The following SGCZ variants were observed in gnomAD, a reference collection of about 807,000 sequenced individuals.
The protein encoded by SGCZ is sarcoglycan zeta, also known as zeta-sarcoglycan.
In SGCZ, 40 loss-of-function variants were observed where a neutral mutation model predicts 41.3. That is an observed-to-expected ratio of 0.97 (90% CI 0.75 to 1.26). The LOEUF is 1.26. Among genes scored for constraint, SGCZ ranks in the 50% most tolerant of loss-of-function variants. The probability of loss-of-function intolerance (pLI) is 0.00; values close to 1 mark genes in which losing one functional copy is unlikely to be tolerated. For missense variants in SGCZ, 552 were observed against 369.8 expected (o/e 1.49, Z -4.04); for synonymous variants, 206 against 137.5 (o/e 1.50, Z -3.49).
In SGCZ at chr8:15,237,565, C is replaced by A; in HGVS notation, c.39+20G>T. On this transcript the variant is annotated intron_variant, in intron 1 of 7. Coordinates refer to ENST00000382080, the MANE Select transcript of SGCZ (RefSeq NM_139167.4). ...GAGCGCCGAGAAGCGGCCGCGAAGCCCGCCCGGACCCGCACGTACCTTGAG... is the reference window on the plus strand; with the variant it reads ...GAGCGCCGAGAAGCGGCCGCGAAGCACGCCCGGACCCGCACGTACCTTGAG... The A allele has an allele frequency of 6.3e-7, 1 of 1,585,382 alleles. No homozygotes were observed. The highest frequency in any genetic ancestry group is 8.6e-7 in the Non-Finnish European group (1 of 1,163,874).
intron 1 of SGCZ, among the ~76,000 whole-genome samples, chr8:14,666,156 T>C (rs1807903593): frequency 6.6e-6 from 1 of 152,170 alleles, no homozygotes; most frequent in African/African-American, 2.4e-5. Context: ...TCCACCTGCC[T>C]TTCAAATGTC....
chr8:14,289,678 T>G (rs910373115), intron 3 of SGCZ, among the ~76,000 whole-genome samples: 1 of 152,004 alleles, frequency 6.6e-6, no homozygotes, highest in East Asian at 1.9e-4. Flanking sequence ...AGCCAACTGA[T>G]ATTGGCAAAG....
intron 5 of SGCZ, among the ~76,000 whole-genome samples, chr8:14,113,569 G>A (rs563336090): frequency 6.6e-6 from 1 of 151,982 alleles, no homozygotes; most frequent in Non-Finnish European, 1.5e-5. Flanking sequence ...ATTCTAGTTT[G>A]ATTAATGGTA....
chr8:14,852,114 AT>A (rs1227923040), intron 1 of SGCZ, among the ~76,000 whole-genome samples: 1 of 152,072 alleles, frequency 6.6e-6, no homozygotes, highest in Non-Finnish European at 1.5e-5. Context: ...TCAAATTATT[AT>A]TTTTTTAAAG....
chr8:15,138,565 C>G (rs1043883063), intron 1 of SGCZ, among the ~76,000 whole-genome samples: 47 of 152,090 alleles, frequency 3.1e-4, no homozygotes, highest in African/African-American at 1.1e-3. Flanking sequence ...CCATGCCGTT[C>G]TCATGATAAA....
Position 14,410,896 on chromosome 8 carries a change from G to C in SGCZ, c.235-86692C>G, listed in dbSNP as rs190768188. On this transcript the variant is annotated intron_variant, in intron 2 of 7. Transcript: ENST00000382080. ...ATCTGAGGGAAAAGTTTAAAAAGCA[G>C]AAATGTTTAGTTTGTTAGTTTAAAC... 4.6e-5 allele frequency among the ~76,000 whole-genome samples: 7 copies of C among 152,200 alleles called. No individual in the cohort carries two copies. In the East Asian group the frequency reaches 1.2e-3, roughly 25 times the overall value.
At chr8:14,351,921 T>C (rs1020593527) in intron 2 of SGCZ, among the ~76,000 whole-genome samples, 1 of 152,090 alleles carries the variant, frequency 6.6e-6, no homozygotes, top group Non-Finnish European at 1.5e-5. Flanking sequence ...CACGGACACT[T>C]TGTTTAATTT....
At chr8:14,602,456 G>A (rs1049328816) in intron 1 of SGCZ, among the ~76,000 whole-genome samples, 1 of 151,758 alleles carries the variant, frequency 6.6e-6, no homozygotes, top group Admixed American at 6.6e-5. Context: ...AGGCTGAGGT[G>A]GGAGGATTGC....
At chr8:15,136,229 T>C (rs1035972478) in intron 1 of SGCZ, among the ~76,000 whole-genome samples, 2 of 152,278 alleles carry the variant, frequency 1.3e-5, no homozygotes, top group African/African-American at 4.8e-5. Context: ...AGGATCATTT[T>C]GTATGCACCA....
At chr8:14,778,225 T>C (rs1424758512) in intron 1 of SGCZ, among the ~76,000 whole-genome samples, 4 of 152,168 alleles carry the variant, frequency 2.6e-5, no homozygotes, top group Non-Finnish European at 5.9e-5. Context: ...TAAAAATCTT[T>C]ATAAATTATA....
chr8:14,978,556 G>A (rs1232989682), intron 1 of SGCZ, among the ~76,000 whole-genome samples: 2 of 146,298 alleles, frequency 1.4e-5, no homozygotes, highest in Non-Finnish European at 3.0e-5. Context: ...CTGTCAGAGA[G>A]ACTTTTGCTT....
intron 2 of SGCZ, among the ~76,000 whole-genome samples, chr8:14,529,502 A>G (rs1585052090): frequency 6.6e-6 from 1 of 152,160 alleles, no homozygotes; most frequent in Non-Finnish European, 1.5e-5. Context: ...AACTTCAATC[A>G]GCTTGGTAGT....
At chr8:14,227,542 A>T (rs1563197872) in intron 4 of SGCZ, among the ~76,000 whole-genome samples, 1 of 152,132 alleles carries the variant, frequency 6.6e-6, no homozygotes, top group East Asian at 1.9e-4. Flanking sequence ...CAAATATATT[A>T]TAAAATATCT....
intron 3 of SGCZ, among the ~76,000 whole-genome samples, chr8:14,296,705 T>C (rs1023539328): frequency 3.3e-5 from 5 of 152,004 alleles, no homozygotes; most frequent in Non-Finnish European, 7.4e-5. Context: ...ATCAAATAAA[T>C]ATAGCCAAAA....
chr8:14,551,530 TATA>T (rs1803839833), intron 2 of SGCZ, among the ~76,000 whole-genome samples: 1 of 4,006 alleles, frequency 2.5e-4, no homozygotes, highest in African/African-American at 9.2e-4. Context: ...ATATAATATA[TATA>T]ATATATATAA....
chr8:14,764,389 A>G (rs1336505401), intron 1 of SGCZ, among the ~76,000 whole-genome samples: 2 of 152,216 alleles, frequency 1.3e-5, no homozygotes, highest in Non-Finnish European at 2.9e-5. Context: ...AATAAAAGAA[A>G]CTAATGGTCA....
intron 2 of SGCZ, among the ~76,000 whole-genome samples, chr8:14,513,148 T>C (rs1316814613): frequency 6.6e-6 from 1 of 151,976 alleles, no homozygotes; most frequent in Admixed American, 6.6e-5. Context: ...GCTCAAGCAA[T>C]CCTCTTGCCT....
chr8:15,229,294 G>T (rs745752550), intron 1 of SGCZ, among the ~76,000 whole-genome samples: 5 of 152,108 alleles, frequency 3.3e-5, no homozygotes, highest in African/African-American at 4.8e-5. Flanking sequence ...ATCTAAAAAG[G>T]ATTTTAATAA....
intron 2 of SGCZ, among the ~76,000 whole-genome samples, chr8:14,397,637 C>T (rs762304008): frequency 2.6e-5 from 4 of 152,060 alleles, no homozygotes; most frequent in African/African-American, 7.2e-5. Context: ...AGTCAGGCAG[C>T]GATGAGCCTA....
Sources: gnomAD v4.1 joint callset for allele counts (sites outside exome capture counted in the v4.1 genomes callset) on GRCh38, gnomAD v4.1.1 for gene constraint, MANE v1.5 for transcripts, NCBI Gene and HGNC (gene_info 2026-07-23, HGNC 2026-07-21) for gene names.